Variants in ROS1 observed in about 807,000 individuals in gnomAD.
The protein encoded by ROS1 is ROS proto-oncogene 1, receptor tyrosine kinase.
In ROS1, 263 loss-of-function variants were observed where a neutral mutation model predicts 273.5. That is an observed-to-expected ratio of 0.96 (90% CI 0.87 to 1.06). The LOEUF is 1.06. Ranked by LOEUF, ROS1 falls within the 50% of genes least tolerant of loss-of-function variation. The probability of loss-of-function intolerance (pLI) is 0.00; values close to 1 mark genes in which losing one functional copy is unlikely to be tolerated. For synonymous variants in ROS1, 1,008 were observed against 954.1 expected (o/e 1.06, Z -1.04); for missense variants, 2,833 against 2,751.1 (o/e 1.03, Z -0.67).
In ROS1 at chr6:117,389,849, G is replaced by A; in HGVS notation, c.1290-3C>T. The A allele has an allele frequency of 6.3e-7, 1 of 1,597,642 alleles. No homozygotes were observed. The highest frequency in any genetic ancestry group is 8.6e-7 in the Non-Finnish European group (1 of 1,168,570). On this transcript the variant is annotated splice_polypyrimidine_tract_variant and splice_region_variant and intron_variant, in intron 12 of 43. Coordinates refer to ENST00000368507, the MANE Select transcript of ROS1 (RefSeq NM_001378902.1). ...CTCTCAGGAGGTAAAAGACATACCT[G>A]ACACAGGAACAAAAGAAACCTCATG...
chr6:117,356,795 A>G lies in ROS1; in HGVS notation c.3960T>C (p.Asn1320=). The part of the protein sequence containing the change: ...PTATNQQNKR[N]QCSCNVTEFE... ...ATTCAGTCACATTACAAGAACATTG[A>G]TTCCTTTTGTTTTGTTGGTTTGTAG... is the stretch of plus-strand genomic sequence containing the variant. The change falls in exon 26 of 44, where the codon AAT becomes AAC. Residue 1320 remains asparagine, a synonymous_variant. Transcript: ENST00000368507. The G allele has an allele frequency of 6.2e-7, 1 of 1,614,102 alleles. No homozygotes were observed. The highest frequency in any genetic ancestry group is 1.3e-5 in the African/African-American group (1 of 75,040).
Position 117,425,578 on chromosome 6 carries a change from A to T in ROS1, c.79T>A (p.Cys27Ser). The T allele has an allele frequency of 6.2e-7, 1 of 1,611,852 alleles. No individual in the cohort carries two copies. Among genetic ancestry groups the T allele is most frequent in the African/African-American group, 1.3e-5 (1 of 74,934 alleles). ...LGCLWISVVQ[C>S]TVLNSCLKSC... ...TTTAGGCAGCTATTTAAAACTGTAC[A>T]CTGCACCACAGAAATCCATAGGCAG... Residue 27 changes from cysteine to serine, a missense_variant, in exon 1 of 44, where the codon TGT becomes AGT. Physicochemically the swap from Cys to Ser is moderately radical, Grantham distance 112. Transcript: ENST00000368507.
At chr6:117,318,312 G>T (rs2128557131) in intron 37 of ROS1, 60 bp from the exon 38 acceptor site, 1 of 1,210,440 alleles carries the variant, frequency 8.3e-7, no homozygotes, top group Non-Finnish European at 1.2e-6. Context: ...GAGCTCAGTG[G>T]GTTAATGGAG....
chr6:117,418,354 T>C (rs1396684417), intron 2 of ROS1, 108 bp downstream of exon 2: 6 of 760,038 alleles, frequency 7.9e-6, no homozygotes, highest in Non-Finnish European at 1.3e-5. Context: ...CCAGCAAGGA[T>C]AAATGAGATT....
intron 18 of ROS1, among the ~76,000 whole-genome samples, chr6:117,378,127 A>G (rs1023765694): frequency 6.6e-6 from 1 of 152,198 alleles, no homozygotes; most frequent in Non-Finnish European, 1.5e-5. Context: ...TTACTTAAGA[A>G]TATAAACATC....
intron 42 of ROS1, among the ~76,000 whole-genome samples, chr6:117,304,069 G>T (rs890111552): frequency 1.4e-4 from 21 of 152,290 alleles, no homozygotes; most frequent in African/African-American, 4.6e-4. Context: ...GTATTGATCT[G>T]ATGACTTCAC....
In ROS1 at chr6:117,326,330, C is replaced by G. The variant is rs1441561770; in HGVS notation, c.5433G>C (p.Trp1811Cys). 3 of 1,601,896 alleles carry G rather than the reference C, an allele frequency of 1.9e-6. No individual in the cohort carries two copies. The highest frequency in any genetic ancestry group is 2.6e-6 in the Non-Finnish European group (3 of 1,175,640). ...FNGSCSSVCT[W>C]KSKNLKGIFQ... is the part of the protein sequence containing the mutation. The stretch of plus-strand genomic sequence containing the variant: ...ATATTCCTTTCAGGTTTTTGGACTT[C>G]CATGTGCAAACACTACTGCAGGATC... The change falls in exon 34 of 44, where the codon TGG becomes TGC. Residue 1811 changes from tryptophan to cysteine, a missense_variant. Physicochemically the swap from Trp to Cys is radical, Grantham distance 215. Coordinates refer to ENST00000368507, the MANE Select transcript of ROS1 (RefSeq NM_001378902.1).
intron 39 of ROS1, among the ~76,000 whole-genome samples, chr6:117,313,855 G>C (rs1458164893): frequency 6.6e-6 from 1 of 152,136 alleles, no homozygotes; most frequent in Admixed American, 6.5e-5. Context: ...ATTTGTGATG[G>C]CTCCCATAGG....
chr6:117,373,452 C>T (rs926652623), intron 18 of ROS1, among the ~76,000 whole-genome samples: 16 of 152,228 alleles, frequency 1.1e-4, no homozygotes, highest in Middle Eastern at 3.2e-3. Flanking sequence ...TGAGGCCCGG[C>T]GAGAATTCGA....
intron 41 of ROS1, among the ~76,000 whole-genome samples, chr6:117,309,683 T>A (rs1385682740): frequency 8.5e-5 from 13 of 152,274 alleles, no homozygotes; most frequent in African/African-American, 2.6e-4. Flanking sequence ...AGTGTCCTAA[T>A]CTTTTAGGAT....
intron 4 of ROS1, among the ~76,000 whole-genome samples, chr6:117,409,872 C>A (rs189990554): frequency 1.3e-5 from 2 of 152,250 alleles, no homozygotes; most frequent in Non-Finnish European, 2.9e-5. Flanking sequence ...AAACTTTTGA[C>A]CATGCTCCAT....
chr6:117,299,377 A>T (rs1774505155), intron 43 of ROS1: 1 of 152,082 alleles, frequency 6.6e-6, no homozygotes, highest in South Asian at 2.1e-4. Flanking sequence ...TGTGAGGGTG[A>T]TCTCACTTCA....
At chr6:117,336,114 TAAAG>T (rs1777441041) in intron 32 of ROS1, among the ~76,000 whole-genome samples, 1 of 152,108 alleles carries the variant, frequency 6.6e-6, no homozygotes, top group African/African-American at 2.4e-5. Flanking sequence ...TAAATGAAAA[TAAAG>T]AAAACTATCA....
intron 27 of ROS1, among the ~76,000 whole-genome samples, chr6:117,350,687 CTTT>C (rs548987983): frequency 5.4e-5 from 7 of 130,036 alleles, no homozygotes; most frequent in Non-Finnish European, 8.1e-5. Flanking sequence ...GGTTTTTTTC[CTTT>C]TTTTTTTTTT....
chr6:117,328,650 T>C (rs1776820139), intron 33 of ROS1: 1 of 549,826 alleles, frequency 1.8e-6, no homozygotes, highest in South Asian at 1.6e-5. Flanking sequence ...AAAGATGGTT[T>C]CATAGTCCTG....
rs1414828115 is a variant in ROS1, at chr6:117,389,419, G to T, written c.1717C>A (p.Leu573Ile). 3 of 1,614,174 alleles carry T rather than the reference G, an allele frequency of 1.9e-6. No individual in the cohort carries two copies. Among genetic ancestry groups the T allele is most frequent in the South Asian group, 1.1e-5 (1 of 91,078 alleles). The change falls in exon 13 of 44, where the codon CTT (leucine) becomes ATT (isoleucine). Residue 573 changes from leucine (L) to isoleucine (I), a missense_variant. Leu to Ile is a conservative substitution (Grantham distance 5, BLOSUM62 2). Transcript: ENST00000368507. ...TGGTGAGAGCCAAACAGCACCGAAA[G>T]CTCCTGCGGGCGGCCTGGCAGAGGG... ...LHPLPGRPQE[L>I]SVLFGSHQAL...
At position 117,396,908 on chromosome 6, in the gene ROS1, T is replaced by C. The variant is rs768425349; in HGVS notation, c.806+7A>G. 6.3e-7 allele frequency: 1 copy of C among 1,594,818 alleles called. No individual in the cohort carries two copies. Among genetic ancestry groups the C allele is most frequent in the Non-Finnish European group, 8.6e-7 (1 of 1,162,556 alleles). The stretch of plus-strand genomic sequence containing the variant: ...TTACATTTTCCTCTGTATCACTTAA[T>C]TCTTACCTGTAGATAGTATTTGGTA... On this transcript the variant is annotated splice_region_variant and intron_variant, in intron 8 of 43. Transcript: ENST00000368507.
intron 2 of ROS1, 21 bp from the exon 3 acceptor site, chr6:117,416,338 CA>C: frequency 6.5e-7 from 1 of 1,528,580 alleles, no homozygotes; most frequent in Non-Finnish European, 9.1e-7. Context: ...CAATAACAGA[CA>C]ATGGTGAGTG....
At chr6:117,411,484 G>T (rs1368425238) in intron 4 of ROS1, among the ~76,000 whole-genome samples, 1 of 152,102 alleles carries the variant, frequency 6.6e-6, no homozygotes, top group Admixed American at 6.5e-5. Flanking sequence ...TTACTGAGCT[G>T]CCATTCCCAC....
Sources: allele counts gnomAD v4.1 joint callset (sites outside exome capture counted in the v4.1 genomes callset), GRCh38; gene constraint gnomAD v4.1.1; transcripts MANE v1.5; gene names NCBI Gene and HGNC (gene_info 2026-07-23, HGNC 2026-07-21).